The following SUGCT variants were observed in gnomAD, a reference collection of about 807,000 sequenced individuals.
SUGCT encodes the protein succinyl-CoA:glutarate CoA-transferase.
Under a neutral mutation model 55.0 loss-of-function variants are expected in SUGCT, and 41 were observed. The ratio of observed to expected loss-of-function variants is 0.74; its 90% CI spans 0.58 to 0.97. SUGCT has a LOEUF of 0.97. SUGCT is among the 50% of genes least tolerant of loss of function. SUGCT has a pLI of 0.00. For missense variants in SUGCT, 568 were observed against 547.8 expected (o/e 1.04, Z -0.37); for synonymous variants, 187 against 200.4 (o/e 0.93, Z 0.56).
At chr7:40,176,780 C>A (rs1784943411) in intron 1 of SUGCT, among the ~76,000 whole-genome samples, 1 of 151,864 alleles carries the variant, frequency 6.6e-6, no homozygotes, top group South Asian at 2.1e-4. Context: ...TGAGACCAGC[C>A]TGGCCAACAT....
chr7:40,668,574 A>G (rs549001706), intron 12 of SUGCT, among the ~76,000 whole-genome samples: 119 of 152,302 alleles, frequency 7.8e-4, no homozygotes, highest in Non-Finnish European at 9.1e-4. Context: ...TCTAGATATT[A>G]TATATGAAAC....
intron 9 of SUGCT, among the ~76,000 whole-genome samples, chr7:40,326,640 A>G (rs1796041309): frequency 6.6e-6 from 1 of 152,218 alleles, no homozygotes; most frequent in African/African-American, 2.4e-5. Flanking sequence ...CAAATATAGC[A>G]TTATTAAAAT....
chr7:40,320,692 C>T (rs1795679429), intron 9 of SUGCT, among the ~76,000 whole-genome samples: 1 of 152,178 alleles, frequency 6.6e-6, no homozygotes, highest in Admixed American at 6.5e-5. Context: ...CCACACTGAC[C>T]TCTACTGTCT....
chr7:40,325,431 A>G (rs1795977757), intron 9 of SUGCT, among the ~76,000 whole-genome samples: 1 of 152,160 alleles, frequency 6.6e-6, no homozygotes, highest in Non-Finnish European at 1.5e-5. Flanking sequence ...ACCAACAGAC[A>G]TGTACTATGT....
At chr7:40,316,138 A>G (rs1193520297) in intron 8 of SUGCT, among the ~76,000 whole-genome samples, 1 of 152,230 alleles carries the variant, frequency 6.6e-6, no homozygotes, top group Non-Finnish European at 1.5e-5. Flanking sequence ...TGGGAGAAGT[A>G]CAGTAATGTT....
chr7:40,150,664 T>G (rs1392298640), intron 1 of SUGCT, among the ~76,000 whole-genome samples: 1 of 148,636 alleles, frequency 6.7e-6, no homozygotes, highest in Non-Finnish European at 1.5e-5. Context: ...AGAGCGAAAC[T>G]ACACACAACA....
intron 12 of SUGCT, among the ~76,000 whole-genome samples, chr7:40,716,318 T>C (rs1226170640): frequency 3.9e-5 from 6 of 152,228 alleles, no homozygotes; most frequent in Non-Finnish European, 8.8e-5. Context: ...TGGATCCTAT[T>C]ACATATAATG....
At chr7:40,309,899 A>G (rs1795056616) in intron 8 of SUGCT, among the ~76,000 whole-genome samples, 1 of 152,042 alleles carries the variant, frequency 6.6e-6, no homozygotes, top group African/African-American at 2.4e-5. Flanking sequence ...TATTAAAAAA[A>G]AAAAAAAACA....
Position 40,459,099 on chromosome 7 carries a change from A to G in SUGCT, c.889-2A>G, listed in dbSNP as rs1480948305. On this transcript the variant is annotated splice_acceptor_variant, in intron 10 of 13. Transcript: ENST00000335693. LOFTEE classifies it high-confidence loss of function. ...TACTGGAAAATTATTTTTTTCTTTT[A>G]GATCTTGGATTTGCCTGAGTTGATT... 1.2e-6 allele frequency: 2 copies of G among 1,602,558 alleles called. No individual in the cohort carries two copies. The highest frequency in any genetic ancestry group is 1.7e-6 in the Non-Finnish European group (2 of 1,171,136).
At chr7:40,992,740 C>A in the SUGCT span, among the ~76,000 whole-genome samples, 1 of 152,168 alleles carries the variant, frequency 6.6e-6, no homozygotes, top group African/African-American at 2.4e-5. Context: ...CCAGGCACAG[C>A]CACACCTAGC....
chr7:40,809,510 A>G lies in SUGCT; in HGVS notation c.1154-50806A>G, dbSNP rs1403213544. The stretch of plus-strand genomic sequence containing the variant: ...TCAGCAGAATCTAGAATTAACTTAA[A>G]GAGGTTACTTTAACCTAGTATGGTT... On this transcript the variant is annotated intron_variant, in intron 13 of 13. Coordinates refer to ENST00000335693, the MANE Select transcript of SUGCT (RefSeq NM_001193313.2). 4.6e-5 allele frequency among the ~76,000 whole-genome samples: 7 copies of G among 152,312 alleles called. No homozygotes were observed. In the East Asian group the frequency reaches 1.2e-3, roughly 25 times the overall value.
chr7:40,245,349 G>A (rs1164183586), intron 7 of SUGCT, among the ~76,000 whole-genome samples: 7 of 140,236 alleles, frequency 5.0e-5, no homozygotes, highest in East Asian at 4.0e-4. Flanking sequence ...GTGAGCCACC[G>A]CACCTGGCCA....
chr7:40,447,084 G>C (rs919812529), intron 9 of SUGCT, among the ~76,000 whole-genome samples: 1 of 152,164 alleles, frequency 6.6e-6, no homozygotes, highest in Admixed American at 6.5e-5. Context: ...AAGAAACCCA[G>C]TATTCATTAA....
intron 13 of SUGCT, among the ~76,000 whole-genome samples, chr7:40,859,242 A>G (rs1347885048): frequency 6.6e-6 from 1 of 152,240 alleles, no homozygotes; most frequent in Non-Finnish European, 1.5e-5. Context: ...TTGAAACAAC[A>G]TGTTCCCCAG....
At chr7:40,781,434 G>A (rs1789743638) in intron 13 of SUGCT, among the ~76,000 whole-genome samples, 1 of 152,090 alleles carries the variant, frequency 6.6e-6, no homozygotes, top group African/African-American at 2.4e-5. Flanking sequence ...TGGCCTGAGA[G>A]CCAAACTCAC....
intron 9 of SUGCT, among the ~76,000 whole-genome samples, chr7:40,389,886 T>G (rs1785328209): frequency 6.6e-6 from 1 of 152,182 alleles, no homozygotes; most frequent in Non-Finnish European, 1.5e-5. Context: ...AAATGCTCAA[T>G]AAAATACTGG....
At chr7:40,990,422 G>A in the SUGCT span, among the ~76,000 whole-genome samples, 1 of 152,184 alleles carries the variant, frequency 6.6e-6, no homozygotes, top group African/African-American at 2.4e-5. Context: ...AAACAAATGT[G>A]CTGTCATCCA....
intron 13 of SUGCT, among the ~76,000 whole-genome samples, chr7:40,816,922 A>G (rs985867022): frequency 9.2e-5 from 14 of 152,360 alleles, no homozygotes; most frequent in African/African-American, 3.4e-4. Flanking sequence ...TGAGAAGTCA[A>G]ATAAGAGTTG....
intron 1 of SUGCT, among the ~76,000 whole-genome samples, chr7:40,142,782 T>A (rs528700256): frequency 2.0e-5 from 3 of 152,356 alleles, no homozygotes; most frequent in African/African-American, 7.2e-5. Flanking sequence ...TACAAACTCC[T>A]CCTCTTTCTG....
Sources: allele counts gnomAD v4.1 joint callset (sites outside exome capture counted in the v4.1 genomes callset), GRCh38; gene constraint gnomAD v4.1.1; transcripts MANE v1.5; gene names NCBI Gene and HGNC (gene_info 2026-07-23, HGNC 2026-07-21).